TEX15: variants seen among roughly 807,000 people sequenced by gnomAD.
TEX15 encodes testis expressed 15, meiosis and synapsis associated.
A neutral mutation model predicts 237.3 loss-of-function variants in TEX15; 171 were observed. The ratio of observed to expected loss-of-function variants is 0.72; its 90% CI spans 0.64 to 0.82. The LOEUF is 0.82. Among genes scored for constraint, TEX15 ranks in the 40% least tolerant of loss-of-function variants. The probability of loss-of-function intolerance (pLI) is 0.00; values close to 1 mark genes in which losing one functional copy is unlikely to be tolerated. For synonymous variants in TEX15, 1,338 were observed against 1,269.8 expected, an observed-to-expected ratio of 1.05 and a Z score of -1.14; for missense variants, 3,750 against 3,646.5, an observed-to-expected ratio of 1.03 and a Z score of -0.73.
chr8:30,847,831 A>G lies in TEX15; in HGVS notation c.2336T>C (p.Ile779Thr), dbSNP rs980645878. The G allele has an allele frequency of 5.0e-6, 8 of 1,613,800 alleles. No homozygotes were observed. The Admixed American group carries it at 5.0e-5, about 10-fold the overall frequency. ...KDIPQAKEMF[I>T]DTVISSYNIE... ...GTTATAAGATGAAATAACTGTATCA[A>G]TGAACATTTCTTTGGCCTGGGGTAT... is the stretch of plus-strand genomic sequence containing the variant. Residue 779 changes from isoleucine (I) to threonine (T), a missense_variant, in exon 8 of 11, where the codon ATT becomes ACT. Coordinates refer to ENST00000643185, the MANE Select transcript of TEX15 (RefSeq NM_001350162.2).
chr8:30,838,212 TC>T (rs1807356152), intron 9 of TEX15, 151 bp from the exon 10 acceptor site: 1 of 653,542 alleles, frequency 1.5e-6, no homozygotes, highest in African/African-American at 1.9e-5. Context: ...GTTAACATTT[TC>T]CTAGTTTGAC....
chr8:30,889,293 A>T (rs1028347124), intron 2 of TEX15, among the ~76,000 whole-genome samples: 1 of 152,168 alleles, frequency 6.6e-6, no homozygotes, highest in Non-Finnish European at 1.5e-5. Context: ...TCTACTAAAA[A>T]TACAAACAAT....
Position 30,858,802 on chromosome 8 carries a change from G to T in TEX15, c.716C>A (p.Ser239Ter). 6.5e-7 allele frequency: 1 copy of T among 1,534,864 alleles called. No homozygotes were observed. The highest frequency in any genetic ancestry group is 8.7e-7 in the Non-Finnish European group (1 of 1,146,402). ...TTGCCTAGGTTTATCTACAGGCTTT[G>T]AAAGGACACTGTATTCATAGAAGTA... ...AVYFYEYSVLSKPVDKPRQCL... is the reference protein window; with the variant it reads ...AVYFYEYSVL Residue 239 changes from serine (S) to a stop codon, truncating the protein, a stop_gained, in exon 7 of 11, where the codon TCA becomes TAA. Coordinates refer to ENST00000643185, the MANE Select transcript of TEX15 (RefSeq NM_001350162.2). LOFTEE classifies it high-confidence loss of function.
intron 1 of TEX15, among the ~76,000 whole-genome samples, chr8:30,912,159 C>G (rs1809235085): frequency 6.6e-6 from 1 of 152,198 alleles, no homozygotes; most frequent in African/African-American, 2.4e-5. Flanking sequence ...TCCCCCGCGT[C>G]CACCGGCTCC....
intron 4 of TEX15, among the ~76,000 whole-genome samples, chr8:30,871,455 C>A (rs1362471120): frequency 6.6e-6 from 1 of 152,028 alleles, no homozygotes; most frequent in African/African-American, 2.4e-5. Flanking sequence ...CTCACAGCCA[C>A]CAGAAGAGAA....
At chr8:30,907,530 TTA>T (rs1451113365) in intron 1 of TEX15, among the ~76,000 whole-genome samples, 1 of 145,604 alleles carries the variant, frequency 6.9e-6, no homozygotes, top group African/African-American at 2.5e-5. Flanking sequence ...TATATACAAA[TTA>T]TATATAAAAT....
chr8:30,833,428 A>C, intron 10 of TEX15, 105 bp from the exon 11 acceptor site: 4 of 841,360 alleles, frequency 4.8e-6, no homozygotes, highest in Non-Finnish European at 7.2e-6. Context: ...AAAGAGATCA[A>C]AGTGCTTATT....
chr8:30,837,334 T>C lies in TEX15; in HGVS notation c.8950A>G (p.Ile2984Val), dbSNP rs771829923. The C allele has an allele frequency of 1.9e-6, 3 of 1,614,092 alleles. No homozygotes were observed. Among genetic ancestry groups the C allele is most frequent in the African/African-American group, 2.7e-5 (2 of 74,946 alleles). The change falls in exon 10 of 11, where the codon ATA (isoleucine) becomes GTA (valine). Residue 2984 changes from isoleucine (I) to valine (V), a missense_variant. Physicochemically the swap from Ile to Val is conservative, Grantham distance 29. Coordinates refer to ENST00000643185, the MANE Select transcript of TEX15 (RefSeq NM_001350162.2). ...TVHTFGASGH[I>V]TLNVNQGAEY... ...GCTCCTTGATTCACATTAAGGGTTA[T>C]ATGCCCAGATGCTCCAAAAGTATGC... is the stretch of plus-strand genomic sequence containing the variant.
chr8:30,897,990 G>T (rs950341372), intron 2 of TEX15, among the ~76,000 whole-genome samples: 1 of 152,098 alleles, frequency 6.6e-6, no homozygotes, highest in African/African-American at 2.4e-5. Flanking sequence ...TTATGTATTG[G>T]TTCAAACAGT....
intron 2 of TEX15, among the ~76,000 whole-genome samples, chr8:30,893,064 A>G (rs1294952502): frequency 6.6e-6 from 1 of 151,942 alleles, no homozygotes; most frequent in African/African-American, 2.4e-5. Context: ...GTTGATACAG[A>G]TAATAAAAAT....
intron 2 of TEX15, among the ~76,000 whole-genome samples, chr8:30,892,680 T>C (rs979079819): frequency 6.6e-6 from 1 of 152,230 alleles, no homozygotes; most frequent in African/African-American, 2.4e-5. Context: ...AGGTACTTTA[T>C]AATTTTTACG....
chr8:30,855,923 A>T (rs1265630302), intron 7 of TEX15, among the ~76,000 whole-genome samples: 1 of 152,104 alleles, frequency 6.6e-6, no homozygotes, highest in African/African-American at 2.4e-5. Context: ...GGTCAGGGAT[A>T]TAATAGCTTT....
intron 7 of TEX15, 51 bp downstream of exon 7, chr8:30,858,617 T>C (rs1281545508): frequency 7.0e-7 from 1 of 1,429,890 alleles, no homozygotes; most frequent in Non-Finnish European, 9.3e-7. Flanking sequence ...TACTGAGAAA[T>C]TTTAAGACCA....
In TEX15 at chr8:30,845,239, G is replaced by A; in HGVS notation, c.4928C>T (p.Thr1643Ile). 6.2e-7 allele frequency: 1 copy of A among 1,613,476 alleles called. No individual in the cohort carries two copies. The highest frequency in any genetic ancestry group is 8.5e-7 in the Non-Finnish European group (1 of 1,179,516). The change falls in exon 8 of 11, where the codon ACA becomes ATA. Residue 1643 changes from threonine (T) to isoleucine (I), a missense_variant. Thr to Ile is a moderately conservative substitution (Grantham distance 89). Transcript: ENST00000643185. ...NDCDATCIGH[T>I]KAKTDVLISV... ...TATAAGTACGTCAGTTTTCGCCTTT[G>A]TGTGACCTATGCAAGTTGCATCACA...
At position 30,891,866 on chromosome 8, in the gene TEX15, AGTTT is replaced by A. The variant is rs575332200; in HGVS notation, c.-9-4559_-9-4556del. On this transcript the variant is annotated intron_variant, in intron 2 of 10. Coordinates refer to ENST00000643185, the MANE Select transcript of TEX15 (RefSeq NM_001350162.2). ...CAAGTTTTTTACCTGATTTTCTATC[AGTTT>A]GTTTATTCTATGTATTTGCAAGAAA... Among the ~76,000 whole-genome samples, 15 of 152,284 alleles carry A rather than the reference AGTTT, an allele frequency of 9.9e-5. 1 individual carries two copies. In the South Asian group the frequency reaches 2.7e-3, roughly 27 times the overall value.
intron 7 of TEX15, among the ~76,000 whole-genome samples, chr8:30,850,469 A>C (rs1348541793): frequency 2.0e-5 from 3 of 152,228 alleles, no homozygotes; most frequent in African/African-American, 7.2e-5. Context: ...ATATGAAGTT[A>C]TCATGTCACT....
intron 1 of TEX15, among the ~76,000 whole-genome samples, chr8:30,901,055 T>C (rs1422272902): frequency 6.6e-6 from 1 of 152,214 alleles, no homozygotes; most frequent in Non-Finnish European, 1.5e-5. Flanking sequence ...CGAGGATAAC[T>C]TGAGCCTAGG....
intron 2 of TEX15, among the ~76,000 whole-genome samples, chr8:30,896,910 G>A (rs1225325430): frequency 6.6e-6 from 1 of 152,134 alleles, no homozygotes; most frequent in Non-Finnish European, 1.5e-5. Context: ...ATGCAAAAAA[G>A]TCTAGAACTG....
intron 2 of TEX15, among the ~76,000 whole-genome samples, chr8:30,891,489 T>C (rs557396508): frequency 4.0e-5 from 6 of 149,224 alleles, no homozygotes; most frequent in African/African-American, 1.2e-4. Flanking sequence ...GCACCCCCCC[T>C]TTTTTTTTTC....
Sources: allele counts gnomAD v4.1 joint callset (sites outside exome capture counted in the v4.1 genomes callset), GRCh38; gene constraint gnomAD v4.1.1; transcripts MANE v1.5; gene names NCBI Gene and HGNC (gene_info 2026-07-23, HGNC 2026-07-21).